THSD4: variants seen among roughly 807,000 people sequenced by gnomAD.
THSD4 encodes thrombospondin type-1 domain-containing protein 4.
Under a neutral mutation model 119.0 loss-of-function variants are expected in THSD4, and 69 were observed. That is an observed-to-expected ratio of 0.58 (90% CI 0.48 to 0.71). THSD4 has a LOEUF of 0.71. Ranked by LOEUF, THSD4 falls within the 30% of genes least tolerant of loss-of-function variation. The probability of loss-of-function intolerance (pLI) is 0.00; values close to 1 mark genes in which losing one functional copy is unlikely to be tolerated. For missense variants in THSD4, 1,393 were observed against 1,391.1 expected, an observed-to-expected ratio of 1.00 and a Z score of -0.02; for synonymous variants, 524 against 540.4, an observed-to-expected ratio of 0.97 and a Z score of 0.42.
intron 7 of THSD4, among the ~76,000 whole-genome samples, chr15:71,657,704 G>A (rs148446248): frequency 9.9e-5 from 15 of 152,226 alleles, no homozygotes; most frequent in African/African-American, 2.9e-4. Context: ...TTGTGCAGCC[G>A]CATGCTTCAC....
chr15:71,292,726 G>A (rs2044808651), intron 6 of THSD4, among the ~76,000 whole-genome samples: 1 of 149,158 alleles, frequency 6.7e-6, no homozygotes, highest in Non-Finnish European at 1.5e-5. Flanking sequence ...GCCCAGGCTG[G>A]AGCACAGTGG....
At chr15:71,233,167 T>A (rs962928027) in intron 4 of THSD4, among the ~76,000 whole-genome samples, 1 of 152,188 alleles carries the variant, frequency 6.6e-6, no homozygotes, top group African/African-American at 2.4e-5. Context: ...AGAGGAATAT[T>A]TTGTCCTTGA....
At chr15:71,201,056 A>G (rs534520112) in intron 3 of THSD4, among the ~76,000 whole-genome samples, 1 of 152,292 alleles carries the variant, frequency 6.6e-6, no homozygotes, top group African/African-American at 2.4e-5. Context: ...GTTGGTGCCT[A>G]ATGACCCCCA....
chr15:71,114,339 A>G (rs2040333606), upstream of THSD4, among the ~76,000 whole-genome samples: 1 of 149,552 alleles, frequency 6.7e-6, no homozygotes, highest in Non-Finnish European at 1.5e-5. Flanking sequence ...GCATTCTGCC[A>G]CCTCCTTCAT....
At chr15:71,624,717 T>C (rs1457374640) in intron 7 of THSD4, among the ~76,000 whole-genome samples, 1 of 152,172 alleles carries the variant, frequency 6.6e-6, no homozygotes, top group Non-Finnish European at 1.5e-5. Context: ...ACTGTTGTCA[T>C]TGGCCAGGAA....
chr15:71,364,919 T>C (rs889236567), intron 6 of THSD4, among the ~76,000 whole-genome samples: 1 of 152,182 alleles, frequency 6.6e-6, no homozygotes, highest in Non-Finnish European at 1.5e-5. Flanking sequence ...CTCTGTTAAA[T>C]TGCAGTTGTT....
At chr15:71,574,644 A>C (rs1283623356) in intron 7 of THSD4, among the ~76,000 whole-genome samples, 2 of 152,106 alleles carry the variant, frequency 1.3e-5, no homozygotes, top group Non-Finnish European at 2.9e-5. Flanking sequence ...GCATCATGCT[A>C]TGTGACCCTG....
At position 71,368,186 on chromosome 15, in the gene THSD4, C is replaced by G. The variant is rs532438709; in HGVS notation, c.1016-43501C>G. Among the ~76,000 whole-genome samples the G allele has an allele frequency of 2.0e-4, 30 of 152,104 alleles. No homozygotes were observed. In the East Asian group the frequency reaches 5.6e-3, roughly 28 times the overall value. ...TTCTTTGTGGATTCTGGATATTAGC[C>G]CTTTGTCAGATGAGTAGATTGCAAA... On this transcript the variant is annotated intron_variant, in intron 6 of 17. Coordinates refer to ENST00000261862, the MANE Select transcript of THSD4 (RefSeq NM_024817.3).
intron 6 of THSD4, among the ~76,000 whole-genome samples, chr15:71,257,772 A>C (rs2044337190): frequency 6.6e-6 from 1 of 152,296 alleles, no homozygotes; most frequent in East Asian, 1.9e-4. Context: ...GTGTTCTCAG[A>C]GACTCCATAG....
chr15:71,206,088 CG>C (rs2043841493), intron 3 of THSD4, among the ~76,000 whole-genome samples: 1 of 152,170 alleles, frequency 6.6e-6, no homozygotes, highest in Admixed American at 6.5e-5. Context: ...TGTTTCAAGT[CG>C]AAAGTCTCCT....
chr15:71,650,070 G>C (rs893604460), intron 7 of THSD4, among the ~76,000 whole-genome samples: 3 of 152,154 alleles, frequency 2.0e-5, no homozygotes, highest in Admixed American at 6.5e-5. Context: ...TCTAGAGCAA[G>C]AGTCAGCAAG....
At chr15:71,399,130 T>TG (rs1251717610) in intron 6 of THSD4, among the ~76,000 whole-genome samples, 1 of 151,642 alleles carries the variant, frequency 6.6e-6, no homozygotes, top group Non-Finnish European at 1.5e-5. Flanking sequence ...AGTAGTGAGG[T>TG]GGGGGGTGCA....
intron 8 of THSD4, among the ~76,000 whole-genome samples, chr15:71,693,302 G>A (rs920296762): frequency 6.6e-6 from 1 of 152,214 alleles, no homozygotes; most frequent in Non-Finnish European, 1.5e-5. Context: ...CAAGTCTCAT[G>A]ATCTGTCTCT....
chr15:71,135,118 C>CA (rs1028367489), intron 1 of THSD4, among the ~76,000 whole-genome samples: 9 of 140,418 alleles, frequency 6.4e-5, no homozygotes, highest in Non-Finnish European at 1.1e-4. Flanking sequence ...ATTGCAAGAA[C>CA]AAAAAACCAA....
At chr15:71,619,263 C>T (rs1027372068) in intron 7 of THSD4, among the ~76,000 whole-genome samples, 44 of 152,252 alleles carry the variant, frequency 2.9e-4, no homozygotes, top group African/African-American at 1.0e-3. Context: ...TGAGCCACCG[C>T]GCCTGGTCTT....
chr15:71,564,693 AGTATAACATATAATACAATATATATT>A (rs2049194342), intron 7 of THSD4, among the ~76,000 whole-genome samples: 2 of 17,900 alleles, frequency 1.1e-4, no homozygotes, highest in Non-Finnish European at 2.6e-4. Flanking sequence ...TACAATATAT[AGTATAACATATAATACAATATATATT>A]GTATATTATA....
chr15:71,757,716 T>C (rs2053566172), intron 14 of THSD4, among the ~76,000 whole-genome samples, 186 bp from the exon 15 acceptor site: 1 of 152,218 alleles, frequency 6.6e-6, no homozygotes, highest in African/African-American at 2.4e-5. Context: ...CCAGAAAATC[T>C]AAGACAGAGA....
At chr15:71,299,852 G>A (rs918073566) in intron 6 of THSD4, among the ~76,000 whole-genome samples, 4 of 151,398 alleles carry the variant, frequency 2.6e-5, no homozygotes, top group African/African-American at 9.7e-5. Flanking sequence ...TGGGCTGGAC[G>A]TGATAGCTCA....
chr15:71,637,642 G>C (rs1412931652), intron 7 of THSD4, among the ~76,000 whole-genome samples: 2 of 152,218 alleles, frequency 1.3e-5, no homozygotes, highest in Non-Finnish European at 2.9e-5. Context: ...GTGGTCGCCA[G>C]GGGCTGGGGG....
Sources: allele counts gnomAD v4.1 joint callset (sites outside exome capture counted in the v4.1 genomes callset), GRCh38; gene constraint gnomAD v4.1.1; transcripts MANE v1.5; gene names NCBI Gene and HGNC (gene_info 2026-07-23, HGNC 2026-07-21).